The following BACH2 variants were observed in gnomAD, a reference collection of about 807,000 sequenced individuals.
BACH2 encodes the protein BACH transcriptional regulator 2.
BACH2 carries 5 observed loss-of-function variants against 61.8 expected under a neutral mutation model. The ratio of observed to expected loss-of-function variants is 0.08; its 90% CI spans 0.04 to 0.17. The LOEUF is 0.17. BACH2 is among the 10% of genes least tolerant of loss of function. The pLI, the probability that BACH2 is intolerant of heterozygous loss-of-function variation, is 1.00. For synonymous variants in BACH2, 446 were observed against 440.1 expected, an observed-to-expected ratio of 1.01 and a Z score of -0.17; for missense variants, 824 against 1,091.1, an observed-to-expected ratio of 0.76 and a Z score of 3.45.
intron 4 of BACH2, among the ~76,000 whole-genome samples, chr6:90,130,550 G>C (rs1366398796): frequency 6.6e-6 from 1 of 152,206 alleles, no homozygotes; most frequent in Non-Finnish European, 1.5e-5. Context: ...GAAGAGGTTA[G>C]ATAACTTGCT....
chr6:90,069,314 T>C (rs1322195134), intron 5 of BACH2, among the ~76,000 whole-genome samples: 1 of 152,196 alleles, frequency 6.6e-6, no homozygotes, highest in African/African-American at 2.4e-5. Flanking sequence ...GTAAAACAGT[T>C]GAAATTTATC....
chr6:90,127,962 T>C (rs189271570), intron 4 of BACH2, among the ~76,000 whole-genome samples: 1 of 152,288 alleles, frequency 6.6e-6, no homozygotes, highest in Non-Finnish European at 1.5e-5. Flanking sequence ...AAAGTAAGGT[T>C]TGCATGGAGC....
At chr6:90,192,017 T>C (rs1375153945) in intron 4 of BACH2, among the ~76,000 whole-genome samples, 3 of 152,232 alleles carry the variant, frequency 2.0e-5, no homozygotes, top group Non-Finnish European at 2.9e-5. Context: ...GTCAGTTTTT[T>C]GACCAAAAGG....
At chr6:90,257,250 A>T (rs1582539540) in intron 2 of BACH2, among the ~76,000 whole-genome samples, 1 of 152,206 alleles carries the variant, frequency 6.6e-6, no homozygotes, top group East Asian at 1.9e-4. Flanking sequence ...CCAGAAAAGG[A>T]ATGGCTGGGT....
intron 5 of BACH2, among the ~76,000 whole-genome samples, chr6:90,040,019 T>C (rs964586225): frequency 7.0e-6 from 1 of 143,062 alleles, no homozygotes; most frequent in Non-Finnish European, 1.5e-5. Flanking sequence ...TTTCCTTCTT[T>C]GTCACTTTTT....
chr6:90,201,984 T>C (rs1454975932), intron 4 of BACH2, among the ~76,000 whole-genome samples: 2 of 152,234 alleles, frequency 1.3e-5, no homozygotes. Context: ...TAACTTGCTC[T>C]TTAAGAAGTT....
At chr6:90,284,679 G>A (rs1271449570) in intron 1 of BACH2, among the ~76,000 whole-genome samples, 1 of 151,914 alleles carries the variant, frequency 6.6e-6, no homozygotes, top group Non-Finnish European at 1.5e-5. Context: ...GAAAACAACA[G>A]GGGGATCATC....
chr6:90,004,654 T>G (rs994416100), intron 6 of BACH2, among the ~76,000 whole-genome samples: 2 of 152,196 alleles, frequency 1.3e-5, no homozygotes, highest in Non-Finnish European at 2.9e-5. Flanking sequence ...GCCATAAGAC[T>G]GAACTTCATA....
intron 5 of BACH2, among the ~76,000 whole-genome samples, chr6:90,055,936 C>T (rs1428658044): frequency 1.3e-5 from 2 of 152,102 alleles, no homozygotes; most frequent in African/African-American, 4.8e-5. Flanking sequence ...GATTTTGTCA[C>T]CACCAGGCCT....
In BACH2 at chr6:90,118,859, G is replaced by T. The variant is rs529644161; in HGVS notation, c.-161-29750C>A. On this transcript the variant is annotated intron_variant, in intron 4 of 8. Transcript: ENST00000257749. ...TGGGGTCTAACCAGACCTGGGTTTG[G>T]TTCTAAGCTCTGCCATTCACTACCT... Among the ~76,000 whole-genome samples, 180 of 152,270 alleles carry T rather than the reference G, an allele frequency of 1.2e-3. 1 individual carries two copies. Among genetic ancestry groups the T allele is most frequent in the East Asian group, 1.7e-3 (9 of 5,172 alleles).
intron 4 of BACH2, among the ~76,000 whole-genome samples, chr6:90,179,836 T>C (rs1435306359): frequency 2.6e-5 from 4 of 152,198 alleles, no homozygotes; most frequent in African/African-American, 7.2e-5. Context: ...ATAGAACTAA[T>C]AGCACTGTAT....
At position 90,124,614 on chromosome 6, in the gene BACH2, T is replaced by C. The variant is rs1184602192; in HGVS notation, c.-161-35505A>G. 2.0e-5 allele frequency among the ~76,000 whole-genome samples: 3 copies of C among 152,236 alleles called. No individual in the cohort carries two copies. In the East Asian group the frequency reaches 5.8e-4, roughly 29 times the overall value. On this transcript the variant is annotated intron_variant, in intron 4 of 8. Coordinates refer to ENST00000257749, the MANE Select transcript of BACH2 (RefSeq NM_021813.4). ...TCCTTGGTAATAAATACAAACCTTA[T>C]GATCTTTCTTAATATATGTACGGTA...
chr6:90,210,978 A>T (rs1180444288), intron 3 of BACH2, among the ~76,000 whole-genome samples: 1 of 152,026 alleles, frequency 6.6e-6, no homozygotes, highest in Non-Finnish European at 1.5e-5. Flanking sequence ...AACATGGAAA[A>T]ACCTCATCTC....
At chr6:90,077,818 A>G (rs554007618) in intron 5 of BACH2, among the ~76,000 whole-genome samples, 2 of 152,308 alleles carry the variant, frequency 1.3e-5, no homozygotes, top group East Asian at 3.9e-4. Flanking sequence ...ACTTTGATAA[A>G]TGAAGAAACA....
chr6:90,222,027 A>G (rs960073759), intron 3 of BACH2, among the ~76,000 whole-genome samples: 4 of 152,266 alleles, frequency 2.6e-5, no homozygotes, highest in Admixed American at 6.5e-5. Context: ...AGAGAAATTT[A>G]CTTAATATTA....
At position 89,928,168 on chromosome 6, in the gene BACH2, C is replaced by CA. The variant is rs1260276536; in HGVS notation, c.*4239dup. 4 of 152,360 alleles carry CA rather than the reference C, an allele frequency of 2.6e-5. No homozygotes were observed. The highest frequency in any genetic ancestry group is 4.4e-5 in the Non-Finnish European group (3 of 68,040). 9.4% of individuals were successfully genotyped at this position (152,360 alleles called of 1,614,324 possible). A position where few individuals can be genotyped will look rare whatever the true frequency, so the allele number is the denominator to read the frequency against. The stretch of plus-strand genomic sequence containing the variant: ...AACACCTTGTTCTTTAGTCTATTTA[C>CA]AGTCATTTGAGGACCAAACTTGATT... On this transcript the variant is annotated 3_prime_UTR_variant, in exon 9 of 9. Transcript: ENST00000257749.
intron 1 of BACH2, among the ~76,000 whole-genome samples, chr6:90,279,545 C>T (rs1011530858): frequency 1.4e-5 from 2 of 144,162 alleles, no homozygotes; most frequent in Non-Finnish European, 3.0e-5. Context: ...AAAAAGTCTA[C>T]ACTACTTTAT....
At chr6:90,154,039 C>T (rs1784909972) in intron 4 of BACH2, among the ~76,000 whole-genome samples, 2 of 152,106 alleles carry the variant, frequency 1.3e-5, no homozygotes, top group African/African-American at 4.8e-5. Context: ...ACATATCATT[C>T]CAATCTCTAT....
At chr6:90,206,540 A>G (rs1369516029) in intron 4 of BACH2, 29 bp downstream of exon 4, 2 of 152,380 alleles carry the variant, frequency 1.3e-5, no homozygotes, top group African/African-American at 2.4e-5. Context: ...AAGGAAATAC[A>G]AGTGCTGATT....
Sources: gnomAD v4.1 joint callset for allele counts (sites outside exome capture counted in the v4.1 genomes callset) on GRCh38, gnomAD v4.1.1 for gene constraint, MANE v1.5 for transcripts, NCBI Gene and HGNC (gene_info 2026-07-23, HGNC 2026-07-21) for gene names.